HERC1: variants seen among roughly 807,000 people sequenced by gnomAD.
HERC1 encodes HECT and RLD domain containing E3 ubiquitin protein ligase family member 1.
HERC1 carries 160 observed loss-of-function variants against 554.3 expected under a neutral mutation model. The ratio of observed to expected loss-of-function variants is 0.29; its 90% CI spans 0.25 to 0.33. The LOEUF (loss-of-function observed/expected upper bound fraction) is 0.33, where lower values mean the gene tolerates loss of function less well. Among genes scored for constraint, HERC1 ranks in the 10% least tolerant of loss-of-function variants. The probability of loss-of-function intolerance (pLI) is 1.00; values close to 1 mark genes in which losing one functional copy is unlikely to be tolerated. For missense variants in HERC1, 4,919 were observed against 5,918.5 expected (o/e 0.83, Z 5.54); for synonymous variants, 2,175 against 2,131.7 (o/e 1.02, Z -0.56).
In HERC1 at chr15:63,661,773, A is replaced by C. The variant is rs554376803; in HGVS notation, c.9150T>G (p.Ser3050=). The part of the protein sequence containing the change: ...REKYLAMKTK[S]KSTSSERYKG... The stretch of plus-strand genomic sequence containing the variant: ...GGTACCTTTCAGAACTTGTTGACTT[A>C]GATTTGGTCTTCATGGCTAAGTACT... Residue 3050 remains serine (S), a synonymous_variant, in exon 45 of 78, where the codon TCT becomes TCG. Coordinates refer to ENST00000443617, the MANE Select transcript of HERC1 (RefSeq NM_003922.4). 6.2e-7 allele frequency: 1 copy of C among 1,614,002 alleles called. No homozygotes were observed. Among genetic ancestry groups the C allele is most frequent in the South Asian group, 1.1e-5 (1 of 91,084 alleles).
At chr15:63,777,816 C>T (rs1029375531) in intron 1 of HERC1, among the ~76,000 whole-genome samples, 2 of 152,152 alleles carry the variant, frequency 1.3e-5, no homozygotes, top group Non-Finnish European at 2.9e-5. Context: ...TACAAAACCA[C>T]CTTGATATTC....
rs1466031645 is a variant in HERC1 at position 63,694,319 on chromosome 15, T to C, written c.5473A>G (p.Thr1825Ala). ...STRLLQILAI[T>A]TGTYADKLSP... The stretch of plus-strand genomic sequence containing the variant: ...GACATCTACCATACTTACCCAGTAG[T>C]GATGGCTAGAATCTGGAGCAACCTT... Residue 1825 changes from threonine (T) to alanine (A), a missense_variant, in exon 29 of 78, where the codon ACT becomes GCT. Coordinates refer to ENST00000443617, the MANE Select transcript of HERC1 (RefSeq NM_003922.4). The surrounding 1 kb of genome is among the most constrained non-coding windows in gnomAD (Gnocchi z 4.3). 6 of 1,612,550 alleles carry C rather than the reference T, an allele frequency of 3.7e-6. No individual in the cohort carries two copies. The highest frequency in any genetic ancestry group is 8.5e-7 in the Non-Finnish European group (1 of 1,179,218).
intron 11 of HERC1, 98 bp downstream of exon 11, chr15:63,747,626 A>G (rs979484238): frequency 1.5e-6 from 1 of 663,290 alleles, no homozygotes; most frequent in African/African-American, 1.8e-5. Context: ...CAAACAAGAA[A>G]GAACAGTAAG....
intron 25 of HERC1, among the ~76,000 whole-genome samples, chr15:63,703,109 CAAA>C (rs372589572): frequency 1.1e-4 from 10 of 91,728 alleles, no homozygotes; most frequent in East Asian, 4.8e-4. Context: ...GACTCTGTCT[CAAA>C]AAAAAAAAAA....
chr15:63,678,470 T>C, intron 36 of HERC1, 105 bp from the exon 37 acceptor site: 2 of 1,314,238 alleles, frequency 1.5e-6, no homozygotes, highest in South Asian at 1.6e-5. Flanking sequence ...TATTTGGGTC[T>C]CTTCATACAT....
intron 1 of HERC1, among the ~76,000 whole-genome samples, chr15:63,803,807 A>C (rs2077059315): frequency 6.6e-6 from 1 of 152,212 alleles, no homozygotes; most frequent in Admixed American, 6.5e-5. Context: ...GAGAATAGCA[A>C]AACAATTCTA....
rs530835264 is a variant in HERC1, at chr15:63,757,486, C to T, written c.1221+689G>A. On this transcript the variant is annotated intron_variant, in intron 4 of 77. Transcript: ENST00000443617. Reference sequence around the variant, plus strand: ...TTCACCATGTTGGTCAAGCTAGTCTCGAACTCATGATCTCAAACGATCCAC... The same window carrying T: ...TTCACCATGTTGGTCAAGCTAGTCTTGAACTCATGATCTCAAACGATCCAC... Among the ~76,000 whole-genome samples, 21 of 151,980 alleles carry T rather than the reference C, an allele frequency of 1.4e-4. No homozygotes were observed. In the South Asian group the frequency reaches 4.1e-3, roughly 30 times the overall value.
intron 34 of HERC1, among the ~76,000 whole-genome samples, chr15:63,683,355 C>A (rs60954093): frequency 0.16 from 24,170 of 151,876 alleles, 2,222 homozygotes; most frequent in Middle Eastern, 0.21. Context: ...TGGGTTTTTG[C>A]TATGATTTTT....
At chr15:63,611,296 C>G (rs986836364) in intron 77 of HERC1, among the ~76,000 whole-genome samples, 1 of 152,182 alleles carries the variant, frequency 6.6e-6, no homozygotes, top group African/African-American at 2.4e-5. Context: ...GCATTTATTT[C>G]GGAGTCAACA....
At chr15:63,673,136 G>GA (rs1363024514) in intron 38 of HERC1, among the ~76,000 whole-genome samples, 1 of 152,010 alleles carries the variant, frequency 6.6e-6, no homozygotes, top group Non-Finnish European at 1.5e-5. Context: ...AACCAAGACA[G>GA]AAACTTCACA....
chr15:63,625,030 T>C (rs61059171), intron 71 of HERC1, among the ~76,000 whole-genome samples: 24,386 of 152,124 alleles, frequency 0.16, 2,310 homozygotes, highest in Middle Eastern at 0.22. Flanking sequence ...AAACATTTCT[T>C]CCACTAATTA....
chr15:63,623,940 C>G (rs2068192381), intron 72 of HERC1, 50 bp from the exon 73 acceptor site: 4 of 1,580,536 alleles, frequency 2.5e-6, no homozygotes, highest in Non-Finnish European at 3.5e-6. Flanking sequence ...ACCAATTTCC[C>G]CAAAATCACA....
rs2072293235 is a variant in HERC1 at position 63,694,539 on chromosome 15, T to C, written c.5253A>G (p.Gln1751=). 6.2e-7 allele frequency: 1 copy of C among 1,613,484 alleles called. No homozygotes were observed. Among genetic ancestry groups the C allele is most frequent in the East Asian group, 2.2e-5 (1 of 44,900 alleles). Residue 1751 remains glutamine (Q), a synonymous_variant, in exon 29 of 78, where the codon CAA becomes CAG. Coordinates refer to ENST00000443617, the MANE Select transcript of HERC1 (RefSeq NM_003922.4). The surrounding 1 kb of genome is among the most constrained non-coding windows in gnomAD (Gnocchi z 4.3). ...QANKHHIEAQ[Q]RLLLVTVFAL... is the part of the protein sequence containing the mutation. ...CAAAAACTGTAACCAGAAGCAGACG[T>C]TGCTGGGCTTCTAAAAGACAAAGAG...
At position 63,775,056 on chromosome 15, in the gene HERC1, T is replaced by C. The variant is rs772673005; in HGVS notation, c.568A>G (p.Asn190Asp). ...PVSGPGLSLC[N>D]DVIHTAIEVV... ...TCAATTGCAGTATGAATGACATCGT[T>C]GCAAAGACTGAGACCAGGTCCTGAC... Residue 190 changes from asparagine (N) to aspartate (D), a missense_variant, in exon 2 of 78, where the codon AAC becomes GAC. Transcript: ENST00000443617. This position sits in a 1 kb window ranked among gnomAD's most constrained non-coding sequence, Gnocchi z 4.0. 6.2e-7 allele frequency: 1 copy of C among 1,614,028 alleles called. No homozygotes were observed. The highest frequency in any genetic ancestry group is 1.7e-5 in the Admixed American group (1 of 60,032).
chr15:63,660,149 TC>T (rs2152926205), intron 46 of HERC1, among the ~76,000 whole-genome samples: 1 of 151,820 alleles, frequency 6.6e-6, no homozygotes, highest in African/African-American at 2.4e-5. Context: ...TGAAACCCCA[TC>T]CCCACCAAAA....
chr15:63,643,050 A>G lies in HERC1; in HGVS notation c.11340T>C (p.Ser3780=), dbSNP rs1313934281. The change falls in exon 59 of 78, where the codon TCT becomes TCC. Residue 3780 remains serine, a synonymous_variant. Transcript: ENST00000443617. The stretch of plus-strand genomic sequence containing the variant: ...AGCCTATCACAACAGTTTGCAAGAC[A>G]GAGCCATCCTAAAATGAGATATATT... The part of the protein sequence containing the change: ...LMNIWSLRDG[S]VLQTVVIGSG... 1 of 1,605,288 alleles carries G rather than the reference A, an allele frequency of 6.2e-7. No homozygotes were observed. The highest frequency in any genetic ancestry group is 1.3e-5 in the African/African-American group (1 of 74,938).
intron 1 of HERC1, among the ~76,000 whole-genome samples, chr15:63,802,241 A>G (rs749432687): frequency 2.0e-5 from 3 of 152,198 alleles, no homozygotes; most frequent in Non-Finnish European, 2.9e-5. Flanking sequence ...CACACAAATT[A>G]TCAATGGTTA....
At position 63,744,117 on chromosome 15, in the gene HERC1, T is replaced by A. The variant is rs995123538; in HGVS notation, c.2520+2801A>T. Reference sequence around the variant, plus strand: ...TACTTTCTCCCAAACAGACTGTGTGTGTGTGTGTGTGTGTGTGTGTGTGTG... The same window carrying A: ...TACTTTCTCCCAAACAGACTGTGTGAGTGTGTGTGTGTGTGTGTGTGTGTG... On this transcript the variant is annotated intron_variant, in intron 12 of 77. Coordinates refer to ENST00000443617, the MANE Select transcript of HERC1 (RefSeq NM_003922.4). Among the ~76,000 whole-genome samples the A allele has an allele frequency of 4.9e-5, 3 of 61,096 alleles. No homozygotes were observed. The Admixed American group carries it at 5.0e-4, about 10-fold the overall frequency. 40.1% of individuals were successfully genotyped at this position (61,096 alleles called of 152,430 possible).
rs538568287 is a variant in HERC1, at chr15:63,784,457, A to G, written c.-26-8808T>C. Among the ~76,000 whole-genome samples the G allele has an allele frequency of 1.4e-4, 22 of 152,334 alleles. No individual in the cohort carries two copies. In the South Asian group the frequency reaches 4.1e-3, roughly 29 times the overall value. On this transcript the variant is annotated intron_variant, in intron 1 of 77. Transcript: ENST00000443617. ...ACTATATTAAAAAGGGTTTAATAAT[A>G]AATGCTGAAAACATTTTTTTAAAAC...
Sources: allele counts gnomAD v4.1 joint callset (sites outside exome capture counted in the v4.1 genomes callset), GRCh38; gene constraint gnomAD v4.1.1; non-coding constraint Gnocchi (gnomAD v3.1); transcripts MANE v1.5; gene names NCBI Gene and HGNC (gene_info 2026-07-23, HGNC 2026-07-21).